BOLL: variants seen among roughly 807,000 people sequenced by gnomAD.
The protein encoded by BOLL is protein boule-like.
BOLL carries 23 observed loss-of-function variants against 44.4 expected under a neutral mutation model. The observed-to-expected ratio is 0.52, with a 90% CI of 0.37 to 0.73. The LOEUF is 0.73. BOLL is among the 30% of genes least tolerant of loss of function. The probability of loss-of-function intolerance (pLI) is 0.00; values close to 1 mark genes in which losing one functional copy is unlikely to be tolerated. For synonymous variants in BOLL, 97 were observed against 110.8 expected (o/e 0.88, Z 0.78); for missense variants, 287 against 338.3 (o/e 0.85, Z 1.19).
intron 6 of BOLL, among the ~76,000 whole-genome samples, chr2:197,767,694 C>T (rs1689056806): frequency 6.6e-6 from 1 of 151,920 alleles, no homozygotes; most frequent in Admixed American, 6.6e-5. Context: ...CCTAGGGATA[C>T]TTCTAAACAT....
intron 7 of BOLL, among the ~76,000 whole-genome samples, chr2:197,758,424 T>C (rs879577999): frequency 6.6e-6 from 1 of 152,192 alleles, no homozygotes; most frequent in African/African-American, 2.4e-5. Flanking sequence ...GACCACATAT[T>C]GTATGATTGT....
intron 10 of BOLL, among the ~76,000 whole-genome samples, chr2:197,742,675 G>T (rs1010876555): frequency 6.6e-6 from 1 of 151,766 alleles, no homozygotes; most frequent in Admixed American, 6.6e-5. Context: ...GGGGTGGGGG[G>T]AGTGGGGAGG....
intron 1 of BOLL, 63 bp from the exon 2 acceptor site, chr2:197,781,928 G>T: frequency 7.4e-7 from 1 of 1,359,844 alleles, no homozygotes; most frequent in South Asian, 2.1e-5. Flanking sequence ...TTTTGATGCA[G>T]ACCAAAAACA....
intron 4 of BOLL, among the ~76,000 whole-genome samples, chr2:197,776,480 G>T (rs1689519311): frequency 6.6e-6 from 1 of 151,800 alleles, no homozygotes; most frequent in Admixed American, 6.6e-5. Context: ...ACATTACCTT[G>T]TACTTCCCCT....
intron 7 of BOLL, among the ~76,000 whole-genome samples, chr2:197,764,763 G>A (rs1003077296): frequency 3.9e-5 from 6 of 152,148 alleles, no homozygotes; most frequent in Non-Finnish European, 7.4e-5. Context: ...ATCATGAAGT[G>A]ATGTAAATGT....
In BOLL at chr2:197,775,252, C is replaced by T. The variant is rs536790891; in HGVS notation, c.352+413G>A. On this transcript the variant is annotated intron_variant, in intron 5 of 10. Coordinates refer to ENST00000392296, the MANE Select transcript of BOLL (RefSeq NM_033030.6). ...CTGGGTTACAGTACACAGCATGCAG[C>T]GAGTTTCTGATATTAGTTCTATGTT... Among the ~76,000 whole-genome samples, 8 of 151,770 alleles carry T rather than the reference C, an allele frequency of 5.3e-5. No homozygotes were observed. The East Asian group carries it at 9.7e-4, about 18-fold the overall frequency.
intron 10 of BOLL, among the ~76,000 whole-genome samples, chr2:197,733,636 A>G (rs1687321978): frequency 6.6e-6 from 1 of 152,224 alleles, no homozygotes; most frequent in Admixed American, 6.5e-5. Flanking sequence ...GGAACAGAAC[A>G]GAGCCCTCAG....
chr2:197,756,908 T>G (rs1038025600), intron 8 of BOLL, among the ~76,000 whole-genome samples: 5 of 152,184 alleles, frequency 3.3e-5, no homozygotes, highest in African/African-American at 1.2e-4. Flanking sequence ...CTCAGCTCTG[T>G]GACTTCTAAT....
At chr2:197,742,929 T>C in intron 10 of BOLL, 132 bp downstream of exon 10, 1 of 474,814 alleles carries the variant, frequency 2.1e-6, no homozygotes, top group East Asian at 3.6e-5. Flanking sequence ...TCACATGAGT[T>C]TGCTAATTCT....
At chr2:197,780,945 G>T (rs1028481158) in intron 2 of BOLL, among the ~76,000 whole-genome samples, 5 of 151,940 alleles carry the variant, frequency 3.3e-5, no homozygotes, top group Non-Finnish European at 5.9e-5. Context: ...TATGTGGGCT[G>T]GGGGGCACTG....
chr2:197,740,354 A>G (rs1052842740), intron 10 of BOLL, among the ~76,000 whole-genome samples: 2 of 152,180 alleles, frequency 1.3e-5, no homozygotes, highest in African/African-American at 4.8e-5. Flanking sequence ...TCATATTACC[A>G]TCTCAACAGT....
chr2:197,781,897 A>G, intron 1 of BOLL, 32 bp from the exon 2 acceptor site: 2 of 1,566,828 alleles, frequency 1.3e-6, no homozygotes, highest in Non-Finnish European at 1.7e-6. Context: ...CACTTTTTGC[A>G]CTGGGTATAA....
At chr2:197,757,190 A>G (rs1688554788) in intron 8 of BOLL, among the ~76,000 whole-genome samples, 163 bp downstream of exon 8, 1 of 152,150 alleles carries the variant, frequency 6.6e-6, no homozygotes, top group South Asian at 2.1e-4. Flanking sequence ...GTATCATTAT[A>G]TCCATTTTAC....
chr2:197,741,863 G>C (rs1687752180), intron 10 of BOLL, among the ~76,000 whole-genome samples: 1 of 152,154 alleles, frequency 6.6e-6, no homozygotes, highest in Non-Finnish European at 1.5e-5. Context: ...ACTACCATCA[G>C]AGTGAAAAGG....
At chr2:197,772,163 T>A (rs1689297488) in intron 5 of BOLL, among the ~76,000 whole-genome samples, 181 bp from the exon 6 acceptor site, 1 of 152,060 alleles carries the variant, frequency 6.6e-6, no homozygotes, top group Admixed American at 6.6e-5. Flanking sequence ...CCTGTATTTT[T>A]AAACTCAATA....
Position 197,742,741 on chromosome 2 carries a change from C to T in BOLL, c.828+320G>A, listed in dbSNP as rs993997160. On this transcript the variant is annotated intron_variant, in intron 10 of 10. Coordinates refer to ENST00000392296, the MANE Select transcript of BOLL (RefSeq NM_033030.6). The stretch of plus-strand genomic sequence containing the variant: ...ATGACGAGTTAATGGGTTCAGTACA[C>T]CAACATGGCACATGTATACATATGT... 1.9e-4 allele frequency among the ~76,000 whole-genome samples: 29 copies of T among 151,956 alleles called. 1 individual carries two copies. The highest frequency in any genetic ancestry group is 6.5e-4 in the African/African-American group (27 of 41,414).
At chr2:197,782,717 GTC>G (rs1356057612) in intron 1 of BOLL, among the ~76,000 whole-genome samples, 10 of 152,078 alleles carry the variant, frequency 6.6e-5, no homozygotes, top group African/African-American at 2.2e-4. Flanking sequence ...GTTCCTGGTG[GTC>G]TTTAACTAAT....
chr2:197,747,530 C>T (rs552302928), intron 9 of BOLL, among the ~76,000 whole-genome samples: 1 of 138,560 alleles, frequency 7.2e-6, no homozygotes, highest in East Asian at 2.2e-4. Flanking sequence ...TTGCAGTGAG[C>T]CGAGATGGCA....
intron 10 of BOLL, among the ~76,000 whole-genome samples, chr2:197,741,881 C>T (rs1331883322): frequency 2.0e-5 from 3 of 152,100 alleles, no homozygotes; most frequent in Non-Finnish European, 4.4e-5. Flanking sequence ...AGGCAACCTA[C>T]AAAATGGGAG....
Sources: gnomAD v4.1 joint callset for allele counts (sites outside exome capture counted in the v4.1 genomes callset) on GRCh38, gnomAD v4.1.1 for gene constraint, MANE v1.5 for transcripts, NCBI Gene and HGNC (gene_info 2026-07-23, HGNC 2026-07-21) for gene names.